Variants in COL23A1 observed in about 807,000 individuals in gnomAD.
The protein encoded by COL23A1 is collagen alpha-1(XXIII) chain.
Under a neutral mutation model 99.3 loss-of-function variants are expected in COL23A1, and 97 were observed. That is an observed-to-expected ratio of 0.98 (90% CI 0.83 to 1.16). The LOEUF is 1.16. Among genes scored for constraint, COL23A1 ranks in the 50% most tolerant of loss-of-function variants. The pLI is 0.00. For synonymous variants in COL23A1, 320 were observed against 308.2 expected, an observed-to-expected ratio of 1.04 and a Z score of -0.40; for missense variants, 762 against 757.4, an observed-to-expected ratio of 1.01 and a Z score of -0.07.
rs537919945 is a variant in COL23A1, at chr5:178,558,209, G to A, written c.361+2473C>T. 1.6e-4 allele frequency among the ~76,000 whole-genome samples: 24 copies of A among 152,114 alleles called. No individual in the cohort carries two copies. In the South Asian group the frequency reaches 4.2e-3, roughly 26 times the overall value. On this transcript the variant is annotated intron_variant, in intron 2 of 28. Coordinates refer to ENST00000390654, the MANE Select transcript of COL23A1 (RefSeq NM_173465.4). ...CCCTGCTCCCCACTCCTGATGGAAG[G>A]CAGGACACAGGTCCATCTGTAGTCA...
chr5:178,381,614 A>T (rs1366103206), intron 2 of COL23A1, among the ~76,000 whole-genome samples: 2 of 152,216 alleles, frequency 1.3e-5, no homozygotes, highest in Non-Finnish European at 2.9e-5. Flanking sequence ...GCCCAGGCCT[A>T]GCCACACAGA....
chr5:178,518,429 G>T (rs1295942115), intron 2 of COL23A1, among the ~76,000 whole-genome samples: 1 of 150,068 alleles, frequency 6.7e-6, no homozygotes, highest in Non-Finnish European at 1.5e-5. Flanking sequence ...CCCAGACGGG[G>T]TGGTGGCCGG....
chr5:178,571,777 G>A (rs1763107674), intron 1 of COL23A1, among the ~76,000 whole-genome samples: 1 of 152,108 alleles, frequency 6.6e-6, no homozygotes. Flanking sequence ...GTATTGAAAA[G>A]ACCTAAACTG....
intron 8 of COL23A1, 126 bp downstream of exon 8, chr5:178,267,181 A>AG: frequency 9.7e-7 from 1 of 1,032,438 alleles, no homozygotes; most frequent in South Asian, 1.3e-5. Context: ...GGTGGGGAAG[A>AG]GCCCTCTTGG....
intron 27 of COL23A1, among the ~76,000 whole-genome samples, chr5:178,241,148 T>C (rs1350909294): frequency 1.3e-5 from 2 of 152,088 alleles, no homozygotes; most frequent in Non-Finnish European, 2.9e-5. Flanking sequence ...GGAGGATCAC[T>C]TGAGCCTGGG....
rs1562025554 is a variant in COL23A1 at position 178,498,234 on chromosome 5, ATATATATATATATATATAT to A, written c.361+62429_361+62447del. On this transcript the variant is annotated intron_variant, in intron 2 of 28. Coordinates refer to ENST00000390654, the MANE Select transcript of COL23A1 (RefSeq NM_173465.4). ...TATATATATATATATATATATATAT[ATATATATATATATATATAT>A]ATATAAAAGAACTTAAAAATAAAAA... Among the ~76,000 whole-genome samples the A allele has an allele frequency of 0.015, 869 of 58,716 alleles. 62 individuals are homozygous for A. The East Asian group carries it at 0.16, about 11-fold the overall frequency. The allele number at this position is 58,716 out of a possible 152,430, so 38.5% of individuals were successfully genotyped here. A position where few individuals can be genotyped will look rare whatever the true frequency, so the allele number is the denominator to read the frequency against.
chr5:178,491,827 C>T (rs978134567), intron 2 of COL23A1, among the ~76,000 whole-genome samples: 4 of 152,114 alleles, frequency 2.6e-5, no homozygotes, highest in South Asian at 2.1e-4. Context: ...CTCCGCCTCC[C>T]GGGTTCAAGC....
At chr5:178,420,457 A>G (rs1438656634) in intron 2 of COL23A1, among the ~76,000 whole-genome samples, 1 of 26,018 alleles carries the variant, frequency 3.8e-5, no homozygotes, top group Non-Finnish European at 7.0e-5. Flanking sequence ...TCCCCTCCCC[A>G]CCTCTATCCT....
At chr5:178,405,585 A>G (rs1432635442) in intron 2 of COL23A1, among the ~76,000 whole-genome samples, 1 of 152,222 alleles carries the variant, frequency 6.6e-6, no homozygotes, top group Non-Finnish European at 1.5e-5. Context: ...CCTACTGTTG[A>G]AACTCTGAAA....
chr5:178,247,809 C>T lies in COL23A1; in HGVS notation c.1235G>A (p.Gly412Glu). The change falls in exon 21 of 29, where the codon GGG (glycine) becomes GAG (glutamate). Residue 412 changes from glycine to glutamate, a missense_variant. Coordinates refer to ENST00000390654, the MANE Select transcript of COL23A1 (RefSeq NM_173465.4). The part of the protein sequence containing the change: ...ESLAQLIVEP[G>E]PPGPPGPPGP... ...TGGGGGGCCAGGGGGGCCAGGGGGC[C>T]CTGGCTCCACTATGAGCTGAGCCTA... is the stretch of plus-strand genomic sequence containing the variant. The T allele has an allele frequency of 3.7e-6, 6 of 1,613,416 alleles. No homozygotes were observed. Among genetic ancestry groups the T allele is most frequent in the Non-Finnish European group, 4.2e-6 (5 of 1,179,666 alleles).
intron 2 of COL23A1, among the ~76,000 whole-genome samples, chr5:178,448,163 G>A (rs1767273138): frequency 6.8e-6 from 1 of 146,120 alleles, no homozygotes. Context: ...TTCTGTTAGT[G>A]CTAGTCGCAG....
intron 2 of COL23A1, among the ~76,000 whole-genome samples, chr5:178,478,435 C>T (rs1581466929): frequency 1.3e-5 from 2 of 152,350 alleles, no homozygotes; most frequent in South Asian, 2.1e-4. Context: ...TCTTATACAA[C>T]CTACATGTCA....
chr5:178,361,263 AG>A (rs1340733689), intron 2 of COL23A1, among the ~76,000 whole-genome samples: 1 of 152,254 alleles, frequency 6.6e-6, no homozygotes, highest in Admixed American at 6.5e-5. Flanking sequence ...CAAGTATTAA[AG>A]GAGTGTTAAA....
At chr5:178,543,616 C>T (rs942422115) in intron 2 of COL23A1, among the ~76,000 whole-genome samples, 1 of 152,152 alleles carries the variant, frequency 6.6e-6, no homozygotes, top group African/African-American at 2.4e-5. Context: ...TGAGTCTCCA[C>T]CTTTGGTGTT....
In COL23A1 at chr5:178,340,887, G is replaced by T. The variant is rs1320811002; in HGVS notation, c.362-33968C>A. ...CAGGCAGCATGGCTGATGTGCATGGGCGCGGGGCTCAAGGTCAGACCCCGC... is the reference window on the plus strand; with the variant it reads ...CAGGCAGCATGGCTGATGTGCATGGTCGCGGGGCTCAAGGTCAGACCCCGC... On this transcript the variant is annotated intron_variant, in intron 2 of 28. Coordinates refer to ENST00000390654, the MANE Select transcript of COL23A1 (RefSeq NM_173465.4). This position sits in a 1 kb window ranked among gnomAD's most constrained non-coding sequence, Gnocchi z 4.7. Among the ~76,000 whole-genome samples, 1 of 152,242 alleles carries T rather than the reference G, an allele frequency of 6.6e-6. No individual in the cohort carries two copies. Among genetic ancestry groups the T allele is most frequent in the Non-Finnish European group, 1.5e-5 (1 of 68,046 alleles).
At chr5:178,564,146 G>A (rs1330202524) in intron 1 of COL23A1, among the ~76,000 whole-genome samples, 1 of 152,206 alleles carries the variant, frequency 6.6e-6, no homozygotes. Flanking sequence ...TTACTTTTGA[G>A]CTACTCTCAC....
chr5:178,246,013 C>T (rs1286646619), intron 24 of COL23A1, 45 bp from the exon 25 acceptor site: 1 of 1,609,512 alleles, frequency 6.2e-7, no homozygotes. Flanking sequence ...GGGAGGGGTG[C>T]TGGGAGCACA....
chr5:178,538,208 C>G (rs553704830), intron 2 of COL23A1, among the ~76,000 whole-genome samples: 4 of 152,328 alleles, frequency 2.6e-5, no homozygotes, highest in African/African-American at 9.6e-5. Flanking sequence ...GTTTACCGCT[C>G]AGGGCTGGGC....
chr5:178,572,059 C>A, intron 1 of COL23A1, among the ~76,000 whole-genome samples: 1 of 64,080 alleles, frequency 1.6e-5, no homozygotes, highest in Non-Finnish European at 2.7e-5. Flanking sequence ...CAGAGCGAGA[C>A]TCTTTCTCAA....
Sources: allele counts gnomAD v4.1 joint callset (sites outside exome capture counted in the v4.1 genomes callset), GRCh38; gene constraint gnomAD v4.1.1; non-coding constraint Gnocchi (gnomAD v3.1); transcripts MANE v1.5; gene names NCBI Gene and HGNC (gene_info 2026-07-23, HGNC 2026-07-21).